The following DCAF12 variants were observed in gnomAD, a reference collection of about 807,000 sequenced individuals.
DCAF12 encodes DDB1 and CUL4 associated factor 12, also known as DDB1- and CUL4-associated factor 12.
In DCAF12, 28 loss-of-function variants were observed where a neutral mutation model predicts 52.8. That is an observed-to-expected ratio of 0.53 (90% CI 0.39 to 0.73). The LOEUF is 0.73. DCAF12 is among the 30% of genes least tolerant of loss of function. The pLI, the probability that DCAF12 is intolerant of heterozygous loss-of-function variation, is 0.00. For missense variants in DCAF12, 425 were observed against 552.2 expected (o/e 0.77, Z 2.31); for synonymous variants, 196 against 215.5 (o/e 0.91, Z 0.79).
chr9:34,103,504 C>T (rs1314481382), intron 4 of DCAF12, among the ~76,000 whole-genome samples: 1 of 152,030 alleles, frequency 6.6e-6, no homozygotes, highest in Non-Finnish European at 1.5e-5. Flanking sequence ...TTATTCGGAA[C>T]ACTCAGTATG....
intron 5 of DCAF12, among the ~76,000 whole-genome samples, chr9:34,097,742 GGC>G (rs998416129): frequency 7.2e-5 from 11 of 152,014 alleles, no homozygotes; most frequent in African/African-American, 2.7e-4. Flanking sequence ...AGACCAGCCT[GGC>G]CAACATGGTG....
chr9:34,092,799 T>G (rs1828666180), intron 7 of DCAF12, among the ~76,000 whole-genome samples: 1 of 152,192 alleles, frequency 6.6e-6, no homozygotes, highest in African/African-American at 2.4e-5. Flanking sequence ...GGCCACACAT[T>G]TGTCTGTGGT....
intron 4 of DCAF12, among the ~76,000 whole-genome samples, chr9:34,098,815 C>G (rs955160311): frequency 6.6e-6 from 1 of 152,104 alleles, no homozygotes; most frequent in African/African-American, 2.4e-5. Context: ...GTCACCCAGG[C>G]TGGAGTGCAG....
chr9:34,126,643 C>T lies in DCAF12; in HGVS notation c.-212G>A, dbSNP rs1460942607. On this transcript the variant is annotated 5_prime_UTR_variant, in exon 1 of 9. Coordinates refer to ENST00000361264, the MANE Select transcript of DCAF12 (RefSeq NM_015397.4). ...TTGAGCCGGGAAAGGGAAGGGGAAG[C>T]GAGAATGAGCGGCTTTCCGACGGCA... The T allele has an allele frequency of 6.8e-6, 4 of 592,310 alleles. No homozygotes were observed. The highest frequency in any genetic ancestry group is 1.2e-5 in the Non-Finnish European group (4 of 345,646). The allele number at this position is 592,310 out of a possible 1,614,324, so 36.7% of individuals were successfully genotyped here. A position where few individuals can be genotyped will look rare whatever the true frequency, so the allele number is the denominator to read the frequency against.
At chr9:34,098,246 G>C in intron 5 of DCAF12, 78 bp downstream of exon 5, 1 of 1,451,136 alleles carries the variant, frequency 6.9e-7, no homozygotes, top group Non-Finnish European at 9.5e-7. Context: ...AAGCACTGAT[G>C]GGGAAGGAAA....
rs1260574787 is a variant in DCAF12, at chr9:34,106,507, G to A, written c.541-13C>T. 6.2e-7 allele frequency: 1 copy of A among 1,605,048 alleles called. No homozygotes were observed. Among genetic ancestry groups the A allele is most frequent in the Non-Finnish European group, 8.5e-7 (1 of 1,173,418 alleles). ...CCTTGTGTCCATCCTTGGAGAGCAG[G>A]GAGTAACAGGTACAGGGAGGAAAAT... On this transcript the variant is annotated splice_polypyrimidine_tract_variant and intron_variant, in intron 3 of 8. Transcript: ENST00000361264.
Position 34,126,694 on chromosome 9 carries a change from AG to A in DCAF12, c.-264del. The A allele has an allele frequency of 1.8e-6, 1 of 555,226 alleles. No homozygotes were observed. Among genetic ancestry groups the A allele is most frequent in the Non-Finnish European group, 3.2e-6 (1 of 314,728 alleles). 34.4% of individuals were successfully genotyped at this position (555,226 alleles called of 1,614,324 possible). The stretch of plus-strand genomic sequence containing the variant: ...GAGCCTGCAAGGACGGCGAGCGGCT[AG>A]AACCAAAACACCCCCTCCCCCTTGC... On this transcript the variant is annotated 5_prime_UTR_variant, in exon 1 of 9. Transcript: ENST00000361264.
chr9:34,103,375 C>T (rs1337527214), intron 4 of DCAF12, among the ~76,000 whole-genome samples: 4 of 150,446 alleles, frequency 2.7e-5, no homozygotes, highest in Admixed American at 1.3e-4. Context: ...CCACTGCACT[C>T]CAGCTGGGCG....
rs1311589082 is a variant in DCAF12 at position 34,087,557 on chromosome 9, T to C, written c.*793A>G. On this transcript the variant is annotated 3_prime_UTR_variant, in exon 9 of 9. Coordinates refer to ENST00000361264, the MANE Select transcript of DCAF12 (RefSeq NM_015397.4). ...GGGGTGTGGCTACTGGCTAAGCAGA[T>C]GTGAGGGTGGGAAGGGGAAGTGACA... The C allele has an allele frequency of 2.0e-5, 3 of 152,074 alleles. No individual in the cohort carries two copies. The highest frequency in any genetic ancestry group is 7.2e-5 in the African/African-American group (3 of 41,400). 9.4% of individuals were successfully genotyped at this position (152,074 alleles called of 1,614,324 possible).
chr9:34,096,145 CAGG>C (rs1432194938), intron 6 of DCAF12: 1 of 152,204 alleles, frequency 6.6e-6, no homozygotes, highest in East Asian at 1.9e-4. Context: ...CGCTTGAGGT[CAGG>C]AGTTCAAAAC....
At chr9:34,103,095 C>CAA (rs34456166) in intron 4 of DCAF12, among the ~76,000 whole-genome samples, 81 of 100,162 alleles carry the variant, frequency 8.1e-4, no homozygotes, top group African/African-American at 2.6e-3. Flanking sequence ...ACCTTAACTC[C>CAA]AAAAAAAAAA....
At chr9:34,104,990 C>T (rs4879742) in intron 4 of DCAF12, among the ~76,000 whole-genome samples, 32,571 of 151,048 alleles carry the variant, frequency 0.22, 3,627 homozygotes, top group Middle Eastern at 0.28. Context: ...TATTAACCAA[C>T]TAAAAAATAT....
intron 2 of DCAF12, among the ~76,000 whole-genome samples, chr9:34,118,064 A>G (rs1372977165): frequency 6.6e-6 from 1 of 152,240 alleles, no homozygotes; most frequent in Non-Finnish European, 1.5e-5. Context: ...TTAGTCCAAT[A>G]GTCTGATTTC....
In DCAF12 at chr9:34,122,187, A is replaced by AC. The variant is rs201192972; in HGVS notation, c.333+2835dup. Among the ~76,000 whole-genome samples the AC allele has an allele frequency of 6.0e-3, 905 of 151,422 alleles. 9 individuals are homozygous for AC. Among genetic ancestry groups the AC allele is most frequent in the African/African-American group, 0.02 (822 of 41,228 alleles). ...AAAACTAAGAACGACTTCCCACACC[A>AC]CCCCCCCAAAATCTTGCCCAGAAAG... On this transcript the variant is annotated intron_variant, in intron 2 of 8. Transcript: ENST00000361264.
At chr9:34,089,069 C>T (rs1203902867) in intron 8 of DCAF12, among the ~76,000 whole-genome samples, 1 of 145,716 alleles carries the variant, frequency 6.9e-6, no homozygotes, top group East Asian at 2.0e-4. Context: ...GCTATGATCA[C>T]ACCACTACAC....
chr9:34,124,905 G>C, intron 2 of DCAF12, 118 bp downstream of exon 2: 1 of 1,294,520 alleles, frequency 7.7e-7, no homozygotes, highest in African/African-American at 1.5e-5. Context: ...GAATGGAAAG[G>C]AGAGTAAGGC....
intron 2 of DCAF12, among the ~76,000 whole-genome samples, chr9:34,120,441 C>G (rs548690453): frequency 4.5e-4 from 69 of 151,658 alleles, no homozygotes; most frequent in African/African-American, 1.5e-3. Context: ...GAGGCTGAGG[C>G]GGGCAGATTA....
chr9:34,102,601 C>T (rs1041533106), intron 4 of DCAF12, among the ~76,000 whole-genome samples: 1 of 151,556 alleles, frequency 6.6e-6, no homozygotes, highest in African/African-American at 2.4e-5. Context: ...TGCAGTGAGC[C>T]GAGATCACAC....
At chr9:34,124,486 C>T (rs914626954) in intron 2 of DCAF12, among the ~76,000 whole-genome samples, 2 of 152,214 alleles carry the variant, frequency 1.3e-5, no homozygotes, top group Non-Finnish European at 2.9e-5. Context: ...AGAGCTAATG[C>T]TTATACCCTG....
Sources: gnomAD v4.1 joint callset for allele counts (sites outside exome capture counted in the v4.1 genomes callset) on GRCh38, gnomAD v4.1.1 for gene constraint, MANE v1.5 for transcripts, NCBI Gene and HGNC (gene_info 2026-07-23, HGNC 2026-07-21) for gene names.